The following SCN9A variants were observed in gnomAD, a reference collection of about 807,000 sequenced individuals.
The protein encoded by SCN9A is sodium channel protein type 9 subunit alpha.
Under a neutral mutation model 187.0 loss-of-function variants are expected in SCN9A, and 131 were observed. The ratio of observed to expected loss-of-function variants is 0.70; its 90% confidence interval spans 0.61 to 0.81. SCN9A has a LOEUF of 0.81. SCN9A is among the 30% of genes least tolerant of loss of function. SCN9A has a pLI of 0.00. For missense variants in SCN9A, 2,252 were observed against 2,396.6 expected (o/e 0.94, Z 1.26); for synonymous variants, 809 against 808.6 (o/e 1.00, Z -0.01).
In SCN9A at chr2:166,348,848, G is replaced by A. The variant is rs1407628780; in HGVS notation, c.-51+26849C>T. Among the ~76,000 whole-genome samples the A allele has an allele frequency of 4.6e-5, 7 of 152,204 alleles. No individual in the cohort carries two copies. The East Asian group carries it at 1.2e-3, about 25-fold the overall frequency. Reference sequence around the variant, plus strand: ...TTCTTAAACCTCCAAAGTAGTGGCCGGGTGCAGTGGCTCACGTCTGTAATC... The same window carrying A: ...TTCTTAAACCTCCAAAGTAGTGGCCAGGTGCAGTGGCTCACGTCTGTAATC... On this transcript the variant is annotated intron_variant, in intron 1 of 26. Coordinates refer to ENST00000642356, the MANE Select transcript of SCN9A (RefSeq NM_001365536.1).
At chr2:166,353,947 G>C (rs569610503) in intron 1 of SCN9A, among the ~76,000 whole-genome samples, 1 of 152,246 alleles carries the variant, frequency 6.6e-6, no homozygotes, top group South Asian at 2.1e-4. Flanking sequence ...AATGAAGATG[G>C]TGAAATACTT....
At chr2:166,293,427 T>C (rs1698167273) in intron 8 of SCN9A, 55 bp from the exon 9 acceptor site, 2 of 1,452,444 alleles carry the variant, frequency 1.4e-6, no homozygotes, top group Admixed American at 2.3e-5. Flanking sequence ...ACAAGCTAAA[T>C]AGCCTTACTG....
chr2:166,260,596 C>T (rs1696465546), intron 17 of SCN9A, among the ~76,000 whole-genome samples: 1 of 151,768 alleles, frequency 6.6e-6, no homozygotes, highest in South Asian at 2.1e-4. Context: ...TTTTTGTTGT[C>T]AATGATCAAT....
intron 26 of SCN9A, among the ~76,000 whole-genome samples, chr2:166,201,773 A>G (rs1019488597): frequency 3.3e-5 from 5 of 151,418 alleles, no homozygotes; most frequent in African/African-American, 1.2e-4. Flanking sequence ...ACTAATTAAC[A>G]TTTCTAATGG....
Position 166,348,269 on chromosome 2 carries a change from A to G in SCN9A, c.-51+27428T>C, listed in dbSNP as rs578005069. Reference sequence around the variant, plus strand: ...TAAAAAAAAAAAATGACAAGTAGCTATTTTCCAGCCTAGATATGCCCCTCA... The same window carrying G: ...TAAAAAAAAAAAATGACAAGTAGCTGTTTTCCAGCCTAGATATGCCCCTCA... On this transcript the variant is annotated intron_variant, in intron 1 of 26. Coordinates refer to ENST00000642356, the MANE Select transcript of SCN9A (RefSeq NM_001365536.1). Among the ~76,000 whole-genome samples, 4 of 151,876 alleles carry G rather than the reference A, an allele frequency of 2.6e-5. No homozygotes were observed. In the East Asian group the frequency reaches 5.8e-4, roughly 22 times the overall value.
At chr2:166,352,786 C>T (rs1700070310) in intron 1 of SCN9A, among the ~76,000 whole-genome samples, 1 of 152,060 alleles carries the variant, frequency 6.6e-6, no homozygotes, top group Non-Finnish European at 1.5e-5. Flanking sequence ...AAATCAGAGC[C>T]TATTTTAGAA....
At chr2:166,236,963 TA>T (rs1381028187) in intron 20 of SCN9A, among the ~76,000 whole-genome samples, 1 of 152,166 alleles carries the variant, frequency 6.6e-6, no homozygotes, top group East Asian at 1.9e-4. Context: ...TGTTGACCTC[TA>T]ATTATGTCAG....
chr2:166,359,139 T>C (rs1326647532), intron 1 of SCN9A, among the ~76,000 whole-genome samples: 1 of 152,186 alleles, frequency 6.6e-6, no homozygotes, highest in Non-Finnish European at 1.5e-5. Flanking sequence ...TTAATTACCC[T>C]ATTTGCATAA....
At chr2:166,302,894 A>T in intron 7 of SCN9A, 196 bp downstream of exon 7, 1 of 493,548 alleles carries the variant, frequency 2.0e-6, no homozygotes, top group Non-Finnish European at 3.6e-6. Flanking sequence ...TCCTTTTGCC[A>T]GTACTGCTAG....
At chr2:166,235,726 C>T (rs1485557273) in intron 20 of SCN9A, among the ~76,000 whole-genome samples, 7 of 151,304 alleles carry the variant, frequency 4.6e-5, no homozygotes, top group South Asian at 4.2e-4. Context: ...CCAAAATTTG[C>T]ATCTCTGTCA....
At chr2:166,271,940 A>T (rs997197295) in intron 17 of SCN9A, among the ~76,000 whole-genome samples, 4 of 152,092 alleles carry the variant, frequency 2.6e-5, no homozygotes, top group African/African-American at 9.7e-5. Context: ...AATGATTAGG[A>T]CTGAATCTGC....
At chr2:166,276,263 G>A (rs373697716) in intron 16 of SCN9A, among the ~76,000 whole-genome samples, 5 of 152,136 alleles carry the variant, frequency 3.3e-5, no homozygotes, top group African/African-American at 4.8e-5. Context: ...AAACTTTTTC[G>A]TAAAGGGCCA....
At chr2:166,324,787 T>C (rs1699325366) in intron 1 of SCN9A, among the ~76,000 whole-genome samples, 1 of 152,034 alleles carries the variant, frequency 6.6e-6, no homozygotes, top group Non-Finnish European at 1.5e-5. Context: ...CTATACTCAC[T>C]CAAAGTATCA....
intron 1 of SCN9A, among the ~76,000 whole-genome samples, chr2:166,330,079 A>T (rs963086253): frequency 6.6e-6 from 1 of 152,182 alleles, no homozygotes; most frequent in Non-Finnish European, 1.5e-5. Flanking sequence ...CTAATTAAAA[A>T]TTTTAAAGGA....
At chr2:166,227,643 T>C in intron 23 of SCN9A, 27 bp downstream of exon 23, 2 of 1,302,062 alleles carry the variant, frequency 1.5e-6, no homozygotes, top group Non-Finnish European at 2.2e-6. Flanking sequence ...AAAAATAAAG[T>C]TTAGTGCTAA....
Position 166,288,513 on chromosome 2 carries a change from A to G in SCN9A, c.1238T>C (p.Ile413Thr), listed in dbSNP as rs200689195. The G allele has an allele frequency of 6.8e-5, 109 of 1,613,268 alleles. No homozygotes were observed. The highest frequency in any genetic ancestry group is 8.6e-5 in the Non-Finnish European group (102 of 1,179,530). ...MAYEEQNQAN[I>T]EEAKQKELEF... is the part of the protein sequence containing the mutation. The stretch of plus-strand genomic sequence containing the variant: ...TAATTCTTTCTGTTTAGCTTCTTCA[A>G]TGTTTGCCTGGTTCTGTTCTTCATA... Residue 413 changes from isoleucine (I) to threonine (T), a missense_variant, in exon 10 of 27, where the codon ATT (isoleucine) becomes ACT (threonine). Coordinates refer to ENST00000642356, the MANE Select transcript of SCN9A (RefSeq NM_001365536.1).
At chr2:166,270,030 A>G (rs1031796680) in intron 17 of SCN9A, among the ~76,000 whole-genome samples, 1 of 152,068 alleles carries the variant, frequency 6.6e-6, no homozygotes, top group South Asian at 2.1e-4. Flanking sequence ...TAAAAGGCAT[A>G]CGTGGAATCT....
At chr2:166,202,289 C>G (rs1445310973) in intron 26 of SCN9A, among the ~76,000 whole-genome samples, 1 of 151,196 alleles carries the variant, frequency 6.6e-6, no homozygotes, top group Non-Finnish European at 1.5e-5. Context: ...ATATTTCCTA[C>G]TAGAATCTTT....
At position 166,284,452 on chromosome 2, in the gene SCN9A, C is replaced by A. The variant is rs759832491; in HGVS notation, c.1974+1G>T. ...GCCTGAGCTATGTAAAACGTCCTTA[C>A]GCTGTCATCAGAAGTTGCCTTATCT... On this transcript the variant is annotated splice_donor_variant, in intron 12 of 26. Coordinates refer to ENST00000642356, the MANE Select transcript of SCN9A (RefSeq NM_001365536.1). LOFTEE classifies it high-confidence loss of function. 1.2e-6 allele frequency: 2 copies of A among 1,607,332 alleles called. No homozygotes were observed. The highest frequency in any genetic ancestry group is 1.7e-6 in the Non-Finnish European group (2 of 1,176,788).
Sources: allele counts gnomAD v4.1 joint callset (sites outside exome capture counted in the v4.1 genomes callset), GRCh38; gene constraint gnomAD v4.1.1; transcripts MANE v1.5; gene names NCBI Gene and HGNC (gene_info 2026-07-23, HGNC 2026-07-21).